The following ZNF385D variants were observed in gnomAD, a reference collection of about 807,000 sequenced individuals.
ZNF385D encodes zinc finger protein 385D.
A neutral mutation model predicts 35.8 loss-of-function variants in ZNF385D; 15 were observed. The ratio of observed to expected loss-of-function variants is 0.42; its 90% CI spans 0.28 to 0.64. The LOEUF is 0.64. ZNF385D is among the 30% of genes least tolerant of loss of function. ZNF385D has a pLI of 0.23. For synonymous variants in ZNF385D, 212 were observed against 186.8 expected (o/e 1.13, Z -1.10); for missense variants, 474 against 494.6 (o/e 0.96, Z 0.39).
intron 3 of ZNF385D, among the ~76,000 whole-genome samples, chr3:21,519,699 CTT>C (rs1489765924): frequency 6.6e-6 from 1 of 152,140 alleles, no homozygotes; most frequent in Non-Finnish European, 1.5e-5. Context: ...ATCTAAATGA[CTT>C]TTAACTCTAG....
rs7629890 is a variant in ZNF385D at position 21,896,374 on chromosome 3, G to A, written c.326-231346C>T. 6.9e-3 allele frequency among the ~76,000 whole-genome samples: 1,037 copies of A among 150,906 alleles called. 11 individuals carry two copies. Among genetic ancestry groups the A allele is most frequent in the African/African-American group, 0.024 (983 of 41,116 alleles). On this transcript the variant is annotated intron_variant, in intron 3 of 5. Transcript: ENST00000494108. ...ATGGTGTAGATACCAACTTCCTAAAGGTAAATGAAAAAAACAAAATAAAAC... is the reference window on the plus strand; with the variant it reads ...ATGGTGTAGATACCAACTTCCTAAAAGTAAATGAAAAAAACAAAATAAAAC...
intron 3 of ZNF385D, among the ~76,000 whole-genome samples, chr3:22,095,941 T>C (rs1435810136): frequency 2.0e-5 from 3 of 151,878 alleles, no homozygotes; most frequent in Admixed American, 2.0e-4. Flanking sequence ...CAATGAACTT[T>C]TTTGAGAGAT....
intron 3 of ZNF385D, among the ~76,000 whole-genome samples, chr3:22,128,571 C>A (rs770943071): frequency 6.6e-6 from 1 of 151,860 alleles, no homozygotes; most frequent in African/African-American, 2.4e-5. Flanking sequence ...ATTTTTTATT[C>A]TTTTTGTCTC....
chr3:21,657,869 A>G (rs1211073565), intron 2 of ZNF385D, among the ~76,000 whole-genome samples: 1 of 152,010 alleles, frequency 6.6e-6, no homozygotes, highest in East Asian at 1.9e-4. Flanking sequence ...GCTGAGGGAA[A>G]GAAGGCATTT....
At chr3:21,581,286 A>C (rs1225725153) in intron 2 of ZNF385D, among the ~76,000 whole-genome samples, 3 of 152,054 alleles carry the variant, frequency 2.0e-5, no homozygotes, top group Non-Finnish European at 4.4e-5. Flanking sequence ...CTTGTATATC[A>C]GATGTATAAT....
intron 3 of ZNF385D, among the ~76,000 whole-genome samples, chr3:21,853,506 CCTTTT>C (rs1696518107): frequency 2.8e-5 from 1 of 35,976 alleles, no homozygotes. Context: ...AAATTGCAGT[CCTTTT>C]TTTTTTTTTT....
intron 2 of ZNF385D, among the ~76,000 whole-genome samples, chr3:22,341,403 G>A (rs932707571): frequency 7.2e-5 from 11 of 152,084 alleles, no homozygotes; most frequent in Non-Finnish European, 1.5e-4. Context: ...AGAGATCATA[G>A]GGCCCAGAAT....
chr3:22,361,842 GC>G (rs1033484028), intron 2 of ZNF385D, among the ~76,000 whole-genome samples: 2 of 151,812 alleles, frequency 1.3e-5, no homozygotes, highest in African/African-American at 4.8e-5. Flanking sequence ...AGAAAGTAAG[GC>G]CTACCCACCT....
intron 2 of ZNF385D, among the ~76,000 whole-genome samples, chr3:22,318,646 T>C (rs1241987408): frequency 6.6e-6 from 1 of 152,030 alleles, no homozygotes; most frequent in Admixed American, 6.5e-5. Flanking sequence ...TAAGCAGATA[T>C]TAAGCAGAAA....
intron 3 of ZNF385D, among the ~76,000 whole-genome samples, chr3:22,058,500 G>A (rs1004642157): frequency 2.0e-5 from 3 of 152,150 alleles, no homozygotes; most frequent in African/African-American, 7.2e-5. Context: ...CACACAAAGT[G>A]AGGCAATGTT....
chr3:21,575,894 A>G (rs557898047), intron 2 of ZNF385D, among the ~76,000 whole-genome samples: 4 of 152,304 alleles, frequency 2.6e-5, no homozygotes, highest in South Asian at 2.1e-4. Context: ...GAAACCCAAT[A>G]TCTAAACAGT....
At chr3:21,918,946 G>A (rs747932238) in intron 3 of ZNF385D, among the ~76,000 whole-genome samples, 46 of 152,130 alleles carry the variant, frequency 3.0e-4, no homozygotes, top group Admixed American at 2.1e-3. Flanking sequence ...CAACTTCTAA[G>A]AGAAAATATT....
intron 2 of ZNF385D, among the ~76,000 whole-genome samples, chr3:22,297,006 G>C (rs1559505080): frequency 2.0e-5 from 3 of 152,098 alleles, no homozygotes; most frequent in Non-Finnish European, 4.4e-5. Context: ...TGAGGTACAA[G>C]TATAAGTGGA....
chr3:22,320,272 C>A lies in ZNF385D; in HGVS notation c.106+52178G>T, dbSNP rs527987386. On this transcript the variant is annotated intron_variant, in intron 2 of 5. Transcript: ENST00000494108. ...TCTGCAGCTGATTAACAGAGATGAA[C>A]CAAGGAAGGTTTGAATAGCATTAGT... 1.6e-3 allele frequency among the ~76,000 whole-genome samples: 250 copies of A among 151,916 alleles called. 1 individual carries two copies. The highest frequency in any genetic ancestry group is 5.7e-3 in the African/African-American group (237 of 41,416).
At chr3:21,642,331 C>G (rs1261462048) in intron 2 of ZNF385D, among the ~76,000 whole-genome samples, 4 of 152,070 alleles carry the variant, frequency 2.6e-5, no homozygotes, top group African/African-American at 9.7e-5. Context: ...AACCTTCCCT[C>G]TTAACCTCAC....
At chr3:21,718,351 A>G (rs1388490901) in intron 1 of ZNF385D, among the ~76,000 whole-genome samples, 1 of 152,232 alleles carries the variant, frequency 6.6e-6, no homozygotes, top group African/African-American at 2.4e-5. Context: ...AAACCCTTCC[A>G]GGGACATTCC....
chr3:21,945,407 T>C (rs1246470391), intron 3 of ZNF385D, among the ~76,000 whole-genome samples: 1 of 152,170 alleles, frequency 6.6e-6, no homozygotes, highest in Admixed American at 6.5e-5. Context: ...TATGTTTTCT[T>C]CATAGAAGAG....
At chr3:22,053,277 G>C (rs1159497575) in intron 3 of ZNF385D, among the ~76,000 whole-genome samples, 1 of 73,388 alleles carries the variant, frequency 1.4e-5, no homozygotes, top group African/African-American at 5.2e-5. Context: ...AATCAGAGCA[G>C]AACTGAAGGA....
At chr3:21,798,947 C>G (rs377459630) in intron 3 of ZNF385D, among the ~76,000 whole-genome samples, 2 of 152,124 alleles carry the variant, frequency 1.3e-5, no homozygotes, top group Admixed American at 6.5e-5. Context: ...GCCCAGTAAG[C>G]AGACACTCTC....
Sources: gnomAD v4.1 joint callset for allele counts (sites outside exome capture counted in the v4.1 genomes callset) on GRCh38, gnomAD v4.1.1 for gene constraint, MANE v1.5 for transcripts, NCBI Gene and HGNC (gene_info 2026-07-23, HGNC 2026-07-21) for gene names.